Variants in UBE3B observed in about 807,000 individuals in gnomAD.
The protein encoded by UBE3B is ubiquitin protein ligase E3B.
Under a neutral mutation model 132.3 loss-of-function variants are expected in UBE3B, and 80 were observed. That is an observed-to-expected ratio of 0.60 (90% CI 0.50 to 0.73). The LOEUF (loss-of-function observed/expected upper bound fraction) is 0.73. Among genes scored for constraint, UBE3B ranks in the 30% least tolerant of loss-of-function variants. The pLI is 0.00. For synonymous variants in UBE3B, 487 were observed against 520.4 expected (o/e 0.94, Z 0.87); for missense variants, 1,196 against 1,362.5 (o/e 0.88, Z 1.92).
intron 12 of UBE3B, among the ~76,000 whole-genome samples, chr12:109,500,691 G>A (rs1021077406): frequency 6.6e-6 from 1 of 152,204 alleles, no homozygotes; most frequent in Non-Finnish European, 1.5e-5. Context: ...CCTCTTCTTG[G>A]AGGGACTTGG....
At chr12:109,501,291 G>GTT in intron 12 of UBE3B, 80 bp from the exon 13 acceptor site, 1 of 1,551,258 alleles carries the variant, frequency 6.4e-7, no homozygotes, top group South Asian at 1.2e-5. Context: ...CGAGTGGAAG[G>GTT]CCATTAGGAA....
chr12:109,504,634 C>T (rs1294878455), intron 14 of UBE3B, among the ~76,000 whole-genome samples: 3 of 152,132 alleles, frequency 2.0e-5, no homozygotes, highest in Non-Finnish European at 4.4e-5. Context: ...ACTCTGGGAG[C>T]ATCAGCTGAG....
In UBE3B at chr12:109,503,127, A is replaced by G. The variant is rs761755340; in HGVS notation, c.1387A>G (p.Ile463Val). ...TGCAGAAGTCCAGAAGGTTTGCAAC[A>G]TCTGTGTCCTCTACCAGACCTCGCT... ...DSAEVQKVCN[I>V]CVLYQTSLTT... Residue 463 changes from isoleucine to valine, a missense_variant, in exon 14 of 28, where the codon ATC becomes GTC. Ile to Val is a conservative substitution (Grantham distance 29, BLOSUM62 3). Transcript: ENST00000342494. The G allele has an allele frequency of 6.2e-7, 1 of 1,614,124 alleles. No individual in the cohort carries two copies.
intron 7 of UBE3B, among the ~76,000 whole-genome samples, chr12:109,489,484 G>A (rs1310952633): frequency 6.6e-6 from 1 of 152,178 alleles, no homozygotes; most frequent in Non-Finnish European, 1.5e-5. Flanking sequence ...AGGTCAGCAA[G>A]GAGGGCTTAT....
At chr12:109,526,325 C>T (rs751783439) in intron 23 of UBE3B, 33 bp from the exon 24 acceptor site, 3 of 1,610,350 alleles carry the variant, frequency 1.9e-6, no homozygotes, top group South Asian at 1.1e-5. Context: ...CATTAGAGTC[C>T]TCCCTATTAA....
intron 9 of UBE3B, among the ~76,000 whole-genome samples, chr12:109,495,112 G>A (rs986364486): frequency 7.2e-5 from 11 of 152,212 alleles, no homozygotes; most frequent in African/African-American, 2.7e-4. Context: ...AGATCAGAGA[G>A]GTTAGCTCAG....
intron 24 of UBE3B, 31 bp from the exon 25 acceptor site, chr12:109,529,859 G>A (rs1248455749): frequency 6.2e-7 from 1 of 1,612,792 alleles, no homozygotes. Context: ...CCTGTTAATT[G>A]TCATTGTTAT....
At chr12:109,515,818 C>T (rs1880966116) in intron 18 of UBE3B, among the ~76,000 whole-genome samples, 1 of 152,130 alleles carries the variant, frequency 6.6e-6, no homozygotes, top group Non-Finnish European at 1.5e-5. Context: ...CAGGATGGGG[C>T]AAAGAGTCAT....
chr12:109,518,680 GA>G (rs1881350405), intron 19 of UBE3B, among the ~76,000 whole-genome samples: 1 of 152,194 alleles, frequency 6.6e-6, no homozygotes, highest in Admixed American at 6.5e-5. Context: ...GAGAGTGGCA[GA>G]ATCCGACTCC....
chr12:109,516,636 G>C (rs1881100404), intron 18 of UBE3B, 129 bp from the exon 19 acceptor site: 1 of 1,411,984 alleles, frequency 7.1e-7, no homozygotes, highest in Admixed American at 2.0e-5. Flanking sequence ...CTAACTGGTA[G>C]CACATGTTAA....
chr12:109,489,351 G>T (rs1333066629), intron 7 of UBE3B, among the ~76,000 whole-genome samples: 1 of 152,184 alleles, frequency 6.6e-6, no homozygotes, highest in African/African-American at 2.4e-5. Flanking sequence ...GCCTTGCTTG[G>T]TCTGGGTCTC....
rs772068203 is a variant in UBE3B at position 109,534,542 on chromosome 12, C to T, written c.3016-49C>T. The T allele has an allele frequency of 6.4e-7, 1 of 1,555,890 alleles. No individual in the cohort carries two copies. Among genetic ancestry groups the T allele is most frequent in the East Asian group, 2.3e-5 (1 of 43,446 alleles). The stretch of plus-strand genomic sequence containing the variant: ...TCCCTGGCCTTGGCATCAGCCTGGG[C>T]TCCCAAACTAGGCCCTTCCCAATTC... On this transcript the variant is annotated intron_variant, in intron 27 of 27. Coordinates refer to ENST00000342494, the MANE Select transcript of UBE3B (RefSeq NM_130466.4). This position sits in a 1 kb window ranked among gnomAD's most constrained non-coding sequence, Gnocchi z 5.2.
At chr12:109,499,857 A>T in intron 12 of UBE3B, 47 bp downstream of exon 12, 1 of 1,451,036 alleles carries the variant, frequency 6.9e-7, no homozygotes, top group African/African-American at 1.5e-5. Context: ...CTCTCCCACC[A>T]TCTTCTTCTT....
At chr12:109,526,638 C>T (rs938934920) in intron 24 of UBE3B, among the ~76,000 whole-genome samples, 3 of 151,982 alleles carry the variant, frequency 2.0e-5, no homozygotes, top group East Asian at 3.9e-4. Context: ...TTTGTTAGGC[C>T]GAGGCGGGCG....
Position 109,521,059 on chromosome 12 carries a change from G to C in UBE3B, c.2077-89G>C. 6.8e-7 allele frequency: 1 copy of C among 1,465,862 alleles called. No homozygotes were observed. The highest frequency in any genetic ancestry group is 9.3e-7 in the Non-Finnish European group (1 of 1,074,068). The allele number at this position is 1,465,862 out of a possible 1,614,324, so 90.8% of individuals were successfully genotyped here. On this transcript the variant is annotated intron_variant, in intron 19 of 27. Coordinates refer to ENST00000342494, the MANE Select transcript of UBE3B (RefSeq NM_130466.4). The surrounding 1 kb of genome is among the most constrained non-coding windows in gnomAD (Gnocchi z 4.2). ...AATTTGCACATTTGGTAATGATGCT[G>C]GGAGAGCTTCGCACAGAGGAGAGGG...
chr12:109,507,663 A>G lies in UBE3B; in HGVS notation c.1550A>G (p.Asn517Ser). ...GLKLFLECLN[N>S]DTEESKQLLA... ...AAGCTCTTCTTGGAATGCCTGAACA[A>G]TGACACTGAAGAGTCCAAGCAACTC... is the stretch of plus-strand genomic sequence containing the variant. Residue 517 changes from asparagine (N) to serine (S), a missense_variant, in exon 15 of 28, where the codon AAT (asparagine) becomes AGT (serine). Physicochemically the swap from Asn to Ser is conservative, Grantham distance 46. Coordinates refer to ENST00000342494, the MANE Select transcript of UBE3B (RefSeq NM_130466.4). 1 of 1,614,192 alleles carries G rather than the reference A, an allele frequency of 6.2e-7. No individual in the cohort carries two copies. Among genetic ancestry groups the G allele is most frequent in the Non-Finnish European group, 8.5e-7 (1 of 1,180,026 alleles).
chr12:109,501,371 C>A lies in UBE3B; in HGVS notation c.1119C>A (p.Gly373=), dbSNP rs765556102. Residue 373 remains glycine (G), a splice_region_variant and synonymous_variant, in exon 13 of 28, where the codon GGC becomes GGA. Transcript: ENST00000342494. Reference sequence around the variant, plus strand: ...CCAGGTCTCCTCTGCTCTCTCCTAGCCTTAACGAGTCAATGCACTTGATCA... The same window carrying A: ...CCAGGTCTCCTCTGCTCTCTCCTAGACTTAACGAGTCAATGCACTTGATCA... ...LGWFSQSVDY[G]LNESMHLITK... 6.2e-7 allele frequency: 1 copy of A among 1,614,088 alleles called. No individual in the cohort carries two copies. Among genetic ancestry groups the A allele is most frequent in the South Asian group, 1.1e-5 (1 of 91,084 alleles).
downstream of UBE3B, among the ~76,000 whole-genome samples, chr12:109,539,485 G>A (rs1024428481): frequency 6.6e-6 from 1 of 152,184 alleles, no homozygotes; most frequent in African/African-American, 2.4e-5. Context: ...TGCCGCCCAC[G>A]ATCTGGGAGG....
chr12:109,545,220 G>T, the UBE3B span, among the ~76,000 whole-genome samples: 1 of 152,246 alleles, frequency 6.6e-6, no homozygotes, highest in African/African-American at 2.4e-5. Context: ...TGTGAAGTCT[G>T]CTGGGTGGCT....
Sources: allele counts gnomAD v4.1 joint callset (sites outside exome capture counted in the v4.1 genomes callset), GRCh38; gene constraint gnomAD v4.1.1; non-coding constraint Gnocchi (gnomAD v3.1); transcripts MANE v1.5; gene names NCBI Gene and HGNC (gene_info 2026-07-23, HGNC 2026-07-21).